The following FOXN3 variants were observed in gnomAD, a reference collection of about 807,000 sequenced individuals.
FOXN3 encodes forkhead box N3.
In FOXN3, 7 loss-of-function variants were observed where a neutral mutation model predicts 38.4. The ratio of observed to expected loss-of-function variants is 0.18; its 90% CI spans 0.10 to 0.34. FOXN3 has a LOEUF of 0.34. Among genes scored for constraint, FOXN3 ranks in the 10% least tolerant of loss-of-function variants. The pLI, the probability that FOXN3 is intolerant of heterozygous loss-of-function variation, is 1.00. For synonymous variants in FOXN3, 230 were observed against 242.2 expected, an observed-to-expected ratio of 0.95 and a Z score of 0.47; for missense variants, 456 against 613.4, an observed-to-expected ratio of 0.74 and a Z score of 2.71.
intron 2 of FOXN3, among the ~76,000 whole-genome samples, chr14:89,398,161 T>C (rs984532498): frequency 1.3e-5 from 2 of 152,232 alleles, no homozygotes; most frequent in African/African-American, 4.8e-5. Context: ...CAGAAGCCAC[T>C]CTGTAGCCTT....
At chr14:89,602,652 A>G (rs919042236) in intron 1 of FOXN3, among the ~76,000 whole-genome samples, 47 of 151,776 alleles carry the variant, frequency 3.1e-4, no homozygotes, top group African/African-American at 1.1e-3. Flanking sequence ...ACCTGCCACC[A>G]CACCTGGCTA....
chr14:89,204,355 G>A (rs1888322414), intron 4 of FOXN3, among the ~76,000 whole-genome samples: 1 of 151,148 alleles, frequency 6.6e-6, no homozygotes, highest in Non-Finnish European at 1.5e-5. Context: ...GTGAATTCGG[G>A]GGCTGCTGAT....
rs1893397140 is a variant in FOXN3, at chr14:89,484,145, C to T, written c.-14-71655G>A. 6.6e-6 allele frequency among the ~76,000 whole-genome samples: 1 copy of T among 152,164 alleles called. No homozygotes were observed. Among genetic ancestry groups the T allele is most frequent in the African/African-American group, 2.4e-5 (1 of 41,440 alleles). On this transcript the variant is annotated intron_variant, in intron 1 of 6. Coordinates refer to the FOXN3 transcript ENST00000345097. The surrounding 1 kb of genome is among the most constrained non-coding windows in gnomAD (Gnocchi z 4.0). Reference sequence around the variant, plus strand: ...ATATCCAACTAGAGTGTGACCAATTCGCTTTCTCACTCCAGAAAATCCCCC... The same window carrying T: ...ATATCCAACTAGAGTGTGACCAATTTGCTTTCTCACTCCAGAAAATCCCCC...
intron 4 of FOXN3, among the ~76,000 whole-genome samples, chr14:89,183,067 C>G (rs1339320102): frequency 6.6e-6 from 1 of 152,212 alleles, no homozygotes; most frequent in Non-Finnish European, 1.5e-5. Context: ...ATGTAGAAGA[C>G]AGCAGAACTC....
At chr14:89,578,809 T>C (rs995289688) in intron 1 of FOXN3, among the ~76,000 whole-genome samples, 6 of 152,048 alleles carry the variant, frequency 3.9e-5, no homozygotes, top group African/African-American at 1.4e-4. Context: ...TTAACTGGTC[T>C]CTCTAATTCC....
At chr14:89,448,669 T>C (rs957359542) in intron 1 of FOXN3, among the ~76,000 whole-genome samples, 1 of 152,014 alleles carries the variant, frequency 6.6e-6, no homozygotes, top group African/African-American at 2.4e-5. Context: ...TGGGGTGCGG[T>C]GGCTAACACC....
intron 2 of FOXN3, among the ~76,000 whole-genome samples, chr14:89,377,312 A>AAAAT (rs34397438): frequency 0.24 from 36,327 of 149,636 alleles, 4,588 homozygotes; most frequent in East Asian, 0.44. Context: ...ATGCTGGTAA[A>AAAAT]AAATAAATAA....
intron 1 of FOXN3, among the ~76,000 whole-genome samples, chr14:89,587,651 T>C (rs1895868696): frequency 6.6e-6 from 1 of 152,112 alleles, no homozygotes; most frequent in African/African-American, 2.4e-5. Flanking sequence ...GCAGATCACT[T>C]GAGGTCAGCA....
chr14:89,186,825 C>T (rs748051355), intron 4 of FOXN3, among the ~76,000 whole-genome samples: 23 of 152,168 alleles, frequency 1.5e-4, no homozygotes, highest in Non-Finnish European at 2.9e-4. Flanking sequence ...AAGCATTAGA[C>T]TGAAATGAGA....
intron 1 of FOXN3, among the ~76,000 whole-genome samples, chr14:89,588,996 T>C (rs1460201347): frequency 6.6e-6 from 1 of 152,196 alleles, no homozygotes; most frequent in Admixed American, 6.5e-5. Context: ...TGCAACTTCT[T>C]AGTGTGCCCT....
intron 2 of FOXN3, among the ~76,000 whole-genome samples, chr14:89,390,233 A>C (rs1485225656): frequency 6.6e-6 from 1 of 150,468 alleles, no homozygotes; most frequent in Non-Finnish European, 1.5e-5. Context: ...TTAAAAAAAA[A>C]AAAAATATGC....
rs553280000 is a variant in FOXN3 at position 89,540,591 on chromosome 14, T to C, written c.-15+78437A>G. On this transcript the variant is annotated intron_variant, in intron 1 of 6. Transcript: ENST00000345097. ...CTACTAAAAATACAAAAAAAAAATT[T>C]AGCCGAGCGTGGTCGCACGCACCTG... is the stretch of plus-strand genomic sequence containing the variant. Among the ~76,000 whole-genome samples, 4 of 152,102 alleles carry C rather than the reference T, an allele frequency of 2.6e-5. No homozygotes were observed. In the South Asian group the frequency reaches 6.2e-4, roughly 24 times the overall value.
At chr14:89,415,847 TACACACACACAC>T (rs5810462) in intron 1 of FOXN3, among the ~76,000 whole-genome samples, 17,823 of 140,482 alleles carry the variant, frequency 0.13, 1,187 homozygotes, top group South Asian at 0.31. Context: ...AACTTTTCTC[TACACACACACAC>T]ACACACACAC....
At chr14:89,426,065 T>C (rs1363127738) in intron 1 of FOXN3, among the ~76,000 whole-genome samples, 3 of 151,920 alleles carry the variant, frequency 2.0e-5, no homozygotes, top group Non-Finnish European at 2.9e-5. Context: ...ATGCAAAAAA[T>C]GTGGTACTAA....
chr14:89,516,182 G>A (rs1012366838), intron 1 of FOXN3, among the ~76,000 whole-genome samples: 4 of 152,194 alleles, frequency 2.6e-5, no homozygotes, highest in East Asian at 1.9e-4. Flanking sequence ...TTATTTGTGC[G>A]CAGATACTAT....
chr14:89,431,093 T>C (rs1892145519), intron 1 of FOXN3, among the ~76,000 whole-genome samples: 1 of 152,244 alleles, frequency 6.6e-6, no homozygotes, highest in Non-Finnish European at 1.5e-5. Context: ...GCAATCTTTC[T>C]TTTTTAAGTA....
intron 1 of FOXN3, among the ~76,000 whole-genome samples, chr14:89,434,967 A>G (rs1892245421): frequency 6.6e-6 from 1 of 152,232 alleles, no homozygotes; most frequent in Non-Finnish European, 1.5e-5. Context: ...GTACAGATCA[A>G]CCTTAGTCAA....
intron 3 of FOXN3, among the ~76,000 whole-genome samples, chr14:89,335,975 T>C (rs1471313969): frequency 6.6e-6 from 1 of 152,148 alleles, no homozygotes; most frequent in Non-Finnish European, 1.5e-5. Flanking sequence ...AAACCCTCAT[T>C]TGCTCTAAGA....
intron 1 of FOXN3, among the ~76,000 whole-genome samples, chr14:89,503,158 C>T (rs946876510): frequency 2.0e-5 from 3 of 152,172 alleles, no homozygotes; most frequent in East Asian, 1.9e-4. Flanking sequence ...CCAAAGCTCC[C>T]GGCCAGCAGA....
Sources: gnomAD v4.1 joint callset for allele counts (sites outside exome capture counted in the v4.1 genomes callset) on GRCh38, gnomAD v4.1.1 for gene constraint, Gnocchi (gnomAD v3.1) non-coding constraint, MANE v1.5 for transcripts, NCBI Gene and HGNC (gene_info 2026-07-23, HGNC 2026-07-21) for gene names.